Variants in CACNA2D3 observed in about 807,000 individuals in gnomAD.
CACNA2D3 encodes the protein voltage-dependent calcium channel subunit alpha-2/delta-3.
In CACNA2D3, 60 loss-of-function variants were observed where a neutral mutation model predicts 160.6. The observed-to-expected ratio is 0.37, with a 90% confidence interval of 0.30 to 0.46. CACNA2D3 has a LOEUF of 0.46. Ranked by LOEUF, CACNA2D3 falls within the 20% of genes least tolerant of loss-of-function variation. The pLI is 1.00. For synonymous variants in CACNA2D3, 558 were observed against 492.9 expected (o/e 1.13, Z -1.75); for missense variants, 1,205 against 1,365.0 (o/e 0.88, Z 1.85).
At chr3:54,906,763 A>G (rs937796087) in intron 27 of CACNA2D3, among the ~76,000 whole-genome samples, 2 of 152,218 alleles carry the variant, frequency 1.3e-5, no homozygotes, top group African/African-American at 4.8e-5. Flanking sequence ...TTATTAAGCT[A>G]ACAAATGAGT....
intron 11 of CACNA2D3, among the ~76,000 whole-genome samples, chr3:54,726,247 C>G (rs1411899563): frequency 6.6e-6 from 1 of 151,932 alleles, no homozygotes; most frequent in Admixed American, 6.6e-5. Context: ...AACCAGCGCT[C>G]AAGGAAATCA....
chr3:54,267,065 A>G (rs11710270), intron 2 of CACNA2D3, among the ~76,000 whole-genome samples: 20,827 of 152,188 alleles, frequency 0.14, 1,700 homozygotes, highest in East Asian at 0.33. Flanking sequence ...ACTGGGGCTT[A>G]AGGATGAGGC....
At chr3:54,445,553 T>TACACACACAC (rs1371255357) in intron 4 of CACNA2D3, among the ~76,000 whole-genome samples, 10 of 32,936 alleles carry the variant, frequency 3.0e-4, no homozygotes, top group East Asian at 2.6e-3. Context: ...TATTTCTATG[T>TACACACACAC]ATACACACAC....
chr3:54,764,902 C>A (rs1337772545), intron 13 of CACNA2D3, among the ~76,000 whole-genome samples: 1 of 152,198 alleles, frequency 6.6e-6, no homozygotes, highest in African/African-American at 2.4e-5. Flanking sequence ...GAATTCTAAA[C>A]AGCAGATTCT....
chr3:54,847,071 T>C (rs1698949263), intron 17 of CACNA2D3, among the ~76,000 whole-genome samples: 1 of 152,234 alleles, frequency 6.6e-6, no homozygotes, highest in East Asian at 1.9e-4. Flanking sequence ...CTCAGTATCA[T>C]TTTTACTGTC....
chr3:54,801,389 T>C (rs1054525593), intron 13 of CACNA2D3, among the ~76,000 whole-genome samples: 1 of 152,152 alleles, frequency 6.6e-6, no homozygotes. Context: ...ACAACTTTTC[T>C]TGAGAGTATT....
In CACNA2D3 at chr3:54,795,190, T is replaced by C. The variant is rs1452731466; in HGVS notation, c.1381-21663T>C. On this transcript the variant is annotated intron_variant, in intron 13 of 37. Coordinates refer to ENST00000474759, the MANE Select transcript of CACNA2D3 (RefSeq NM_018398.3). ...CTTTGTTAGACCCATACAGTCACTT[T>C]TAAAAAATTTTAAGTATTGTATTTT... Among the ~76,000 whole-genome samples the C allele has an allele frequency of 3.9e-5, 6 of 152,192 alleles. No individual in the cohort carries two copies. The East Asian group carries it at 9.6e-4, about 24-fold the overall frequency.
Position 54,969,841 on chromosome 3 carries a change from T to A in CACNA2D3, c.2553T>A (p.Asp851Glu). 1 of 1,613,446 alleles carries A rather than the reference T, an allele frequency of 6.2e-7. No homozygotes were observed. Among genetic ancestry groups the A allele is most frequent in the South Asian group, 1.1e-5 (1 of 90,980 alleles). ...LDGKCSISCD[D>E]ETVNCYLIDN... ...GCAAATGCTCCATCAGCTGTGATGA[T>A]GAGGTAAGACGGCCTCCTGGTCCTG... is the stretch of plus-strand genomic sequence containing the variant. Residue 851 changes from aspartate (D) to glutamate (E), a missense_variant, in exon 29 of 38, where the codon GAT (aspartate) becomes GAA (glutamate). By Grantham distance (45) the Asp-to-Glu change is conservative. Around this residue, in one of 3 missense-constraint regions of CACNA2D3, gnomAD observed 911 missense variants for 1,002.2 expected, o/e 0.91. Transcript: ENST00000474759.
intron 2 of CACNA2D3, among the ~76,000 whole-genome samples, chr3:54,126,827 T>C (rs1395681186): frequency 2.0e-5 from 3 of 152,214 alleles, no homozygotes; most frequent in South Asian, 4.1e-4. Context: ...ACTTCAACTT[T>C]TAATTAAGTT....
intron 4 of CACNA2D3, among the ~76,000 whole-genome samples, chr3:54,387,053 A>C (rs563677029): frequency 3.9e-5 from 6 of 152,366 alleles, no homozygotes; most frequent in African/African-American, 1.4e-4. Context: ...AACTGACAAT[A>C]ATCACCAGAT....
In CACNA2D3 at chr3:54,880,778, C is replaced by T. The variant is rs2106841560; in HGVS notation, c.1845-18C>T. 1 of 1,610,024 alleles carries T rather than the reference C, an allele frequency of 6.2e-7. No individual in the cohort carries two copies. Among genetic ancestry groups the T allele is most frequent in the Non-Finnish European group, 8.5e-7 (1 of 1,176,356 alleles). ...TCGATGCCAGGGATTTCAAGATTTG[C>T]TTTGTCTCTCTGCACAGTTTAGGTG... On this transcript the variant is annotated intron_variant, in intron 20 of 37. Coordinates refer to ENST00000474759, the MANE Select transcript of CACNA2D3 (RefSeq NM_018398.3).
chr3:54,833,458 A>G (rs1335286709), intron 14 of CACNA2D3, among the ~76,000 whole-genome samples: 1 of 152,150 alleles, frequency 6.6e-6, no homozygotes, highest in Non-Finnish European at 1.5e-5. Context: ...ATGAATCATA[A>G]GCAGCACCCT....
chr3:54,884,481 T>TTACC (rs1699879537), intron 21 of CACNA2D3, among the ~76,000 whole-genome samples: 3 of 152,042 alleles, frequency 2.0e-5, no homozygotes, highest in Admixed American at 6.5e-5. Context: ...AGTAAGATAC[T>TTACC]ATCAGTCATT....
At chr3:54,298,776 C>G (rs1237215636) in intron 2 of CACNA2D3, among the ~76,000 whole-genome samples, 4 of 151,724 alleles carry the variant, frequency 2.6e-5, no homozygotes, top group Non-Finnish European at 4.4e-5. Flanking sequence ...CCACTGCACT[C>G]TGGCCTAGAA....
intron 11 of CACNA2D3, among the ~76,000 whole-genome samples, chr3:54,729,813 C>T (rs1701351182): frequency 6.6e-6 from 1 of 152,064 alleles, no homozygotes. Flanking sequence ...TCCCGCCTAA[C>T]ATGTTGAAAC....
At chr3:55,000,664 A>G (rs900272526) in intron 31 of CACNA2D3, among the ~76,000 whole-genome samples, 7 of 152,182 alleles carry the variant, frequency 4.6e-5, no homozygotes, top group Admixed American at 1.3e-4. Flanking sequence ...AGCCTTTGAA[A>G]ATGATCCAAG....
chr3:54,425,837 A>T (rs772754232), intron 4 of CACNA2D3, among the ~76,000 whole-genome samples: 6 of 152,214 alleles, frequency 3.9e-5, no homozygotes, highest in Non-Finnish European at 7.3e-5. Context: ...CTAACAGCAG[A>T]CTAAAGCTTT....
At chr3:54,882,552 A>C (rs1030017127) in intron 21 of CACNA2D3, among the ~76,000 whole-genome samples, 1 of 152,224 alleles carries the variant, frequency 6.6e-6, no homozygotes, top group African/African-American at 2.4e-5. Flanking sequence ...TGTGCAAAAA[A>C]TTAGCTCAAA....
At chr3:54,541,465 C>T (rs866126645) in intron 5 of CACNA2D3, among the ~76,000 whole-genome samples, 93 of 152,066 alleles carry the variant, frequency 6.1e-4, no homozygotes, top group African/African-American at 2.1e-3. Flanking sequence ...ACAGTTTCTG[C>T]TTGACAGCCT....
Sources: allele counts gnomAD v4.1 joint callset (sites outside exome capture counted in the v4.1 genomes callset), GRCh38; gene constraint gnomAD v4.1.1; regional missense constraint gnomAD v4.1.1; transcripts MANE v1.5; gene names NCBI Gene and HGNC (gene_info 2026-07-23, HGNC 2026-07-21).